Variants in GIPC2 observed in about 807,000 individuals in gnomAD.
GIPC2 encodes PDZ domain-containing protein GIPC2.
In GIPC2, 30 loss-of-function variants were observed where a neutral mutation model predicts 30.6. The observed-to-expected ratio is 0.98, with a 90% confidence interval of 0.73 to 1.33. The LOEUF (loss-of-function observed/expected upper bound fraction) is 1.33. Ranked by LOEUF, GIPC2 falls within the 40% of genes most tolerant of loss-of-function variation. The pLI, the probability that GIPC2 is intolerant of heterozygous loss-of-function variation, is 0.00. For missense variants in GIPC2, 414 were observed against 390.3 expected (o/e 1.06, Z -0.51); for synonymous variants, 167 against 150.0 (o/e 1.11, Z -0.83).
chr1:78,085,933 G>T (rs1213801797), intron 2 of GIPC2, among the ~76,000 whole-genome samples: 2 of 116,374 alleles, frequency 1.7e-5, no homozygotes, highest in African/African-American at 3.1e-5. Context: ...GTTCAGCTCT[G>T]GTTTTGGTTA....
At chr1:78,109,409 A>C (rs1292448213) in intron 3 of GIPC2, among the ~76,000 whole-genome samples, 6 of 152,214 alleles carry the variant, frequency 3.9e-5, no homozygotes, top group Non-Finnish European at 8.8e-5. Flanking sequence ...ATGGCAACTC[A>C]TAACTTTTAA....
At chr1:78,064,742 CT>C (rs11327469) in intron 1 of GIPC2, among the ~76,000 whole-genome samples, 47,236 of 106,144 alleles carry the variant, frequency 0.45, 8,315 homozygotes, top group South Asian at 0.52. Context: ...CTCATGCAAC[CT>C]TTTTTTTTTT....
chr1:78,118,154 C>G (rs1360114112), intron 3 of GIPC2, among the ~76,000 whole-genome samples: 1 of 151,334 alleles, frequency 6.6e-6, no homozygotes, highest in East Asian at 1.9e-4. Flanking sequence ...AACTCTTGGG[C>G]TCAAGCGATC....
At chr1:78,115,556 T>C (rs1236689756) in intron 3 of GIPC2, among the ~76,000 whole-genome samples, 1 of 152,218 alleles carries the variant, frequency 6.6e-6, no homozygotes, top group African/African-American at 2.4e-5. Flanking sequence ...GTGCTGATGA[T>C]AGGTCAACTT....
intron 2 of GIPC2, among the ~76,000 whole-genome samples, chr1:78,085,663 C>T (rs751082849): frequency 1.3e-5 from 2 of 151,750 alleles, no homozygotes; most frequent in Middle Eastern, 3.4e-3. Context: ...TGTATGTGTC[C>T]AGGAATTTAT....
intron 1 of GIPC2, among the ~76,000 whole-genome samples, chr1:78,059,614 G>T (rs781684352): frequency 6.6e-6 from 1 of 152,088 alleles, no homozygotes; most frequent in Admixed American, 6.6e-5. Context: ...ATGGTGATGT[G>T]TGCCTCTAGT....
intron 1 of GIPC2, among the ~76,000 whole-genome samples, chr1:78,078,872 G>A (rs770691697): frequency 6.6e-6 from 1 of 150,608 alleles, no homozygotes; most frequent in Non-Finnish European, 1.5e-5. Context: ...AACCAAGGAG[G>A]AGAAAAATGT....
intron 4 of GIPC2, 82 bp downstream of exon 4, chr1:78,119,581 A>G (rs1289349381): frequency 2.5e-6 from 2 of 813,616 alleles, no homozygotes; most frequent in South Asian, 1.6e-5. Flanking sequence ...CAAAACTTGG[A>G]CTTTTAATTC....
At chr1:78,072,289 A>G (rs185803674) in intron 1 of GIPC2, among the ~76,000 whole-genome samples, 1 of 152,344 alleles carries the variant, frequency 6.6e-6, no homozygotes, top group East Asian at 1.9e-4. Flanking sequence ...CTTTCACGAT[A>G]CAGCATTTCA....
At position 78,046,200 on chromosome 1, in the gene GIPC2, C is replaced by G. The variant is rs746152861; in HGVS notation, c.106C>G (p.Arg36Gly). 154 of 1,586,528 alleles carry G rather than the reference C, an allele frequency of 9.7e-5. No individual in the cohort carries two copies. Among genetic ancestry groups the G allele is most frequent in the Non-Finnish European group, 1.3e-4 (152 of 1,168,438 alleles). ...GGGCGGCGGGAGCCTCTCAGCGTCC[C>G]GGGCTCCCGCACGCAGGCTGGTCTT... Reference protein sequence around the residue: ...GAGGGSLSASRAPARRLVFHA... With the variant: ...GAGGGSLSASGAPARRLVFHA... The change falls in exon 1 of 6, where the codon CGG (arginine) becomes GGG (glycine). Residue 36 changes from arginine (R) to glycine (G), a missense_variant. Coordinates refer to ENST00000370759, the MANE Select transcript of GIPC2 (RefSeq NM_017655.6).
At chr1:78,075,287 C>T (rs1661696890) in intron 1 of GIPC2, among the ~76,000 whole-genome samples, 1 of 152,072 alleles carries the variant, frequency 6.6e-6, no homozygotes, top group African/African-American at 2.4e-5. Flanking sequence ...GAGACCATGT[C>T]TCTATGAAAA....
intron 3 of GIPC2, chr1:78,112,577 C>T (rs1662491193): frequency 3.9e-6 from 2 of 518,626 alleles, no homozygotes; most frequent in Non-Finnish European, 7.7e-6. Context: ...AGGCCTCGTT[C>T]TGTGCGGAAG....
At chr1:78,045,141 A>G (rs559178467), upstream of GIPC2, 106 of 861,808 alleles carry the variant, frequency 1.2e-4, no homozygotes, top group Middle Eastern at 1.8e-3. Flanking sequence ...TAATTAAGAT[A>G]TGATAGTGAT....
intron 1 of GIPC2, among the ~76,000 whole-genome samples, chr1:78,078,787 T>A (rs1158367413): frequency 6.6e-6 from 1 of 151,100 alleles, no homozygotes; most frequent in African/African-American, 2.4e-5. Flanking sequence ...GGTAAATTGC[T>A]TTTATATTGG....
chr1:78,089,452 A>G (rs534690187), intron 2 of GIPC2, among the ~76,000 whole-genome samples: 4 of 152,384 alleles, frequency 2.6e-5, no homozygotes, highest in African/African-American at 7.2e-5. Context: ...TTACATAATT[A>G]GGAGAGATCA....
At chr1:78,078,765 T>C (rs1414195328) in intron 1 of GIPC2, among the ~76,000 whole-genome samples, 2 of 151,264 alleles carry the variant, frequency 1.3e-5, no homozygotes, top group South Asian at 2.1e-4. Flanking sequence ...ATTTTTTTTT[T>C]CCTAGCTAAT....
intron 2 of GIPC2, among the ~76,000 whole-genome samples, chr1:78,090,952 C>G (rs180925900): frequency 6.6e-6 from 1 of 151,766 alleles, no homozygotes; most frequent in African/African-American, 2.4e-5. Context: ...AATAAGGAAA[C>G]GGAAAATGGA....
At chr1:78,117,289 T>C (rs1336349279) in intron 3 of GIPC2, among the ~76,000 whole-genome samples, 3 of 152,224 alleles carry the variant, frequency 2.0e-5, no homozygotes, top group Non-Finnish European at 4.4e-5. Flanking sequence ...CACTGCCTAC[T>C]GGTACTCACC....
Position 78,126,890 on chromosome 1 carries a change from A to C in GIPC2, c.796+928A>C, listed in dbSNP as rs191405755. Among the ~76,000 whole-genome samples, 165 of 152,308 alleles carry C rather than the reference A, an allele frequency of 1.1e-3. 1 individual carries two copies. The highest frequency in any genetic ancestry group is 3.8e-3 in the African/African-American group (159 of 41,570). ...TCAAGTGAGCCAGTCACTGAGGCCA[A>C]GAGGATGGTAGGTCTGGGTTGAACG... is the stretch of plus-strand genomic sequence containing the variant. On this transcript the variant is annotated intron_variant, in intron 5 of 5. Transcript: ENST00000370759.
Sources: allele counts gnomAD v4.1 joint callset (sites outside exome capture counted in the v4.1 genomes callset), GRCh38; gene constraint gnomAD v4.1.1; transcripts MANE v1.5; gene names NCBI Gene and HGNC (gene_info 2026-07-23, HGNC 2026-07-21).